Variants in PLEKHA1 observed in about 807,000 individuals in gnomAD.
PLEKHA1 encodes pleckstrin homology domain containing A1.
PLEKHA1 carries 34 observed loss-of-function variants against 52.0 expected under a neutral mutation model. That is an observed-to-expected ratio of 0.65 (90% CI 0.50 to 0.87). The LOEUF is 0.87. Among genes scored for constraint, PLEKHA1 ranks in the 40% least tolerant of loss-of-function variants. PLEKHA1 has a pLI of 0.00. For missense variants in PLEKHA1, 497 were observed against 504.2 expected (o/e 0.99, Z 0.14); for synonymous variants, 163 against 170.7 (o/e 0.95, Z 0.35).
chr10:122,406,797 A>G lies in PLEKHA1; in HGVS notation c.342+124A>G, dbSNP rs181557111. On this transcript the variant is annotated intron_variant, in intron 5 of 11. Transcript: ENST00000368990. ...TTCATACTCAAGCTTTGTTTAAAAG[A>G]CAGGTGTTCAGAATGTGAATATGTT... The G allele has an allele frequency of 4.1e-5, 29 of 699,056 alleles. No homozygotes were observed. In the East Asian group the frequency reaches 7.9e-4, roughly 19 times the overall value. The allele number at this position is 699,056 out of a possible 1,614,324, so 43.3% of individuals were successfully genotyped here. A position where few individuals can be genotyped will look rare whatever the true frequency, so the allele number is the denominator to read the frequency against.
Position 122,424,324 on chromosome 10 carries a change from T to C in PLEKHA1, c.746+61T>C, listed in dbSNP as rs1156745911. On this transcript the variant is annotated intron_variant, in intron 9 of 11. Transcript: ENST00000368990. The stretch of plus-strand genomic sequence containing the variant: ...TTATAAACACAGAATAGTGCCTTAG[T>C]TTGAGTAATGTACTTACAGATTACA... 5.9e-6 allele frequency: 9 copies of C among 1,512,704 alleles called. No homozygotes were observed. The South Asian group carries it at 6.4e-5, about 11-fold the overall frequency. 93.7% of individuals were successfully genotyped at this position (1,512,704 alleles called of 1,614,324 possible).
chr10:122,412,784 T>C, intron 5 of PLEKHA1, 136 bp from the exon 6 acceptor site: 2 of 845,282 alleles, frequency 2.4e-6, no homozygotes, highest in Non-Finnish European at 3.6e-6. Flanking sequence ...ACTTAAGGAG[T>C]ACATACATGG....
chr10:122,375,641 G>GT (rs944614573), intron 1 of PLEKHA1, among the ~76,000 whole-genome samples: 2 of 152,210 alleles, frequency 1.3e-5, no homozygotes, highest in African/African-American at 4.8e-5. Flanking sequence ...TGCTTATAGT[G>GT]TTTACCGCCT....
chr10:122,375,374 G>A (rs913441288), intron 1 of PLEKHA1, among the ~76,000 whole-genome samples: 15 of 152,240 alleles, frequency 9.9e-5, no homozygotes, highest in African/African-American at 2.4e-4. Flanking sequence ...TCCGCCCTGG[G>A]CCCTGAAGTC....
At position 122,417,948 on chromosome 10, in the gene PLEKHA1, G is replaced by A. The variant is rs749849894; in HGVS notation, c.661G>A (p.Gly221Ser). The change falls in exon 8 of 12, where the codon GGC becomes AGC. Residue 221 changes from glycine to serine, a missense_variant. Physicochemically the swap from Gly to Ser is moderately conservative, Grantham distance 56 (BLOSUM62 0). Transcript: ENST00000368990. ...RYFQLDENTI[G>S]YFKSELEKEP... ...TTTTCAATTGGATGAAAACACAATA[G>A]GCTACTTCAAATCTGAACTGGTATG... 1.9e-6 allele frequency: 3 copies of A among 1,611,544 alleles called. No homozygotes were observed. The East Asian group carries it at 6.7e-5, about 36-fold the overall frequency.
At position 122,400,392 on chromosome 10, in the gene PLEKHA1, A is replaced by G; in HGVS notation, c.244+4A>G. The G allele has an allele frequency of 1.2e-6, 2 of 1,605,508 alleles. No homozygotes were observed. The highest frequency in any genetic ancestry group is 1.7e-6 in the Non-Finnish European group (2 of 1,176,938). ...CCAAAGGCGGAGTTCTGTTTTGGTAAGTAGCCATGTTATATATATTTTAAA... is the reference window on the plus strand; with the variant it reads ...CCAAAGGCGGAGTTCTGTTTTGGTAGGTAGCCATGTTATATATATTTTAAA... On this transcript the variant is annotated splice_donor_region_variant and intron_variant, in intron 4 of 11. Transcript: ENST00000368990.
At chr10:122,384,553 G>A (rs1246868609) in intron 1 of PLEKHA1, among the ~76,000 whole-genome samples, 1 of 150,476 alleles carries the variant, frequency 6.6e-6, no homozygotes, top group Admixed American at 6.6e-5. Flanking sequence ...AGCCTGCAGT[G>A]CGCCGAGATC....
intron 3 of PLEKHA1, among the ~76,000 whole-genome samples, chr10:122,399,084 T>C (rs1385782348): frequency 2.0e-5 from 3 of 152,176 alleles, no homozygotes; most frequent in African/African-American, 7.2e-5. Context: ...TCTGTAACTT[T>C]CATCTTGTCC....
At chr10:122,390,966 CCTCT>C (rs2096767739) in intron 1 of PLEKHA1, among the ~76,000 whole-genome samples, 1 of 151,998 alleles carries the variant, frequency 6.6e-6, no homozygotes. Context: ...TTGTTATTTT[CCTCT>C]CTTTTAATTA....
intron 8 of PLEKHA1, chr10:122,420,877 C>T (rs2097251281): frequency 6.6e-6 from 1 of 152,246 alleles, no homozygotes; most frequent in Non-Finnish European, 1.5e-5. Flanking sequence ...GAGAGAAGGG[C>T]ATCCACATGG....
At chr10:122,411,582 T>C (rs2097107165) in intron 5 of PLEKHA1, among the ~76,000 whole-genome samples, 1 of 152,204 alleles carries the variant, frequency 6.6e-6, no homozygotes, top group Non-Finnish European at 1.5e-5. Context: ...TCTGGTGTTC[T>C]TGCTTAAAGT....
At chr10:122,396,590 TCTTAAGTCTTTGAA>T (rs1403446539) in intron 2 of PLEKHA1, among the ~76,000 whole-genome samples, 1 of 152,106 alleles carries the variant, frequency 6.6e-6, no homozygotes, top group Non-Finnish European at 1.5e-5. Context: ...TGTTTGGGAC[TCTTAAGTCTTTGAA>T]ATGTCTAGGC....
At chr10:122,388,748 A>G (rs2421018) in intron 1 of PLEKHA1, among the ~76,000 whole-genome samples, 47,548 of 152,124 alleles carry the variant, frequency 0.31, 8,077 homozygotes, top group Non-Finnish European at 0.4. Context: ...ATTTTTTGCT[A>G]GTGGAGAGTT....
At chr10:122,417,010 T>A (rs1166137876) in intron 7 of PLEKHA1, 1 of 152,012 alleles carries the variant, frequency 6.6e-6, no homozygotes, top group East Asian at 2.0e-4. Context: ...GTGTGTAGAT[T>A]GAAAGCCCTA....
chr10:122,408,434 T>C (rs766621707), intron 5 of PLEKHA1, among the ~76,000 whole-genome samples: 2 of 152,204 alleles, frequency 1.3e-5, no homozygotes, highest in African/African-American at 4.8e-5. Context: ...TTTTGTGGTC[T>C]TGCAATTTTA....
At chr10:122,379,468 G>C (rs2096584972) in intron 1 of PLEKHA1, among the ~76,000 whole-genome samples, 1 of 152,208 alleles carries the variant, frequency 6.6e-6, no homozygotes, top group Non-Finnish European at 1.5e-5. Context: ...AAGCAGATGT[G>C]GAACTGGAGA....
intron 2 of PLEKHA1, among the ~76,000 whole-genome samples, chr10:122,396,652 A>G (rs948346653): frequency 3.9e-5 from 6 of 152,070 alleles, no homozygotes; most frequent in Non-Finnish European, 8.8e-5. Flanking sequence ...GAACAAGCCA[A>G]TAGATTTTTA....
chr10:122,396,965 G>A (rs866151425), intron 2 of PLEKHA1, among the ~76,000 whole-genome samples: 3 of 151,752 alleles, frequency 2.0e-5, no homozygotes, highest in South Asian at 2.1e-4. Flanking sequence ...AGCCTTCTTC[G>A]TTGGCCTCAA....
At chr10:122,434,007 C>G (rs2097429360), downstream of PLEKHA1, 1 of 152,110 alleles carries the variant, frequency 6.6e-6, no homozygotes, top group African/African-American at 2.4e-5. Flanking sequence ...GCCATGTTTT[C>G]TTGTTCACGC....
Sources: allele counts gnomAD v4.1 joint callset (sites outside exome capture counted in the v4.1 genomes callset), GRCh38; gene constraint gnomAD v4.1.1; transcripts MANE v1.5; gene names NCBI Gene and HGNC (gene_info 2026-07-23, HGNC 2026-07-21).